Variants in CNTN5 observed in about 807,000 individuals in gnomAD.
CNTN5 encodes the protein contactin-5.
CNTN5 carries 77 observed loss-of-function variants against 129.1 expected under a neutral mutation model. The ratio of observed to expected loss-of-function variants is 0.60; its 90% confidence interval spans 0.50 to 0.72. The LOEUF (loss-of-function observed/expected upper bound fraction) is 0.72, where lower values mean the gene tolerates loss of function less well. Ranked by LOEUF, CNTN5 falls within the 30% of genes least tolerant of loss-of-function variation. The pLI, the probability that CNTN5 is intolerant of heterozygous loss-of-function variation, is 0.00. For missense variants in CNTN5, 1,478 were observed against 1,328.8 expected (o/e 1.11, Z -1.75); for synonymous variants, 509 against 465.6 (o/e 1.09, Z -1.20).
chr11:99,123,368 T>C (rs1042937356), intron 1 of CNTN5, among the ~76,000 whole-genome samples: 2 of 152,182 alleles, frequency 1.3e-5, no homozygotes, highest in African/African-American at 4.8e-5. Context: ...TCTGTTCATG[T>C]CATTTGCCCA....
At chr11:99,206,328 G>A (rs571596491) in intron 1 of CNTN5, among the ~76,000 whole-genome samples, 6 of 152,154 alleles carry the variant, frequency 3.9e-5, no homozygotes, top group African/African-American at 1.4e-4. Flanking sequence ...TAGGCTGTGA[G>A]GCAACCCCCA....
At chr11:99,612,770 C>G (rs1224330218) in intron 3 of CNTN5, among the ~76,000 whole-genome samples, 1 of 152,142 alleles carries the variant, frequency 6.6e-6, no homozygotes, top group Non-Finnish European at 1.5e-5. Flanking sequence ...CCTCTTTCAA[C>G]TATTTATTAT....
intron 9 of CNTN5, chr11:100,003,865 G>A (rs945125297): frequency 2.6e-5 from 4 of 152,026 alleles, no homozygotes; most frequent in African/African-American, 9.7e-5. Flanking sequence ...TTTATCACTT[G>A]GTGTCCTTTC....
At chr11:99,250,676 A>C (rs1351963341) in intron 1 of CNTN5, among the ~76,000 whole-genome samples, 1 of 151,926 alleles carries the variant, frequency 6.6e-6, no homozygotes, top group Non-Finnish European at 1.5e-5. Context: ...CATCTATGGA[A>C]GGCGATGTTT....
chr11:99,279,916 G>A (rs115914881), intron 1 of CNTN5, among the ~76,000 whole-genome samples: 1,850 of 151,384 alleles, frequency 0.012, 41 homozygotes, highest in African/African-American at 0.042. Context: ...AAATGTCTGC[G>A]TCATGGGGAA....
chr11:99,851,391 C>T (rs1456141653), intron 6 of CNTN5, among the ~76,000 whole-genome samples: 1 of 152,068 alleles, frequency 6.6e-6, no homozygotes, highest in East Asian at 1.9e-4. Context: ...ATTCCTGAAG[C>T]TTATGTTTGT....
chr11:99,048,443 C>A (rs973000335), intron 1 of CNTN5, among the ~76,000 whole-genome samples: 6 of 152,114 alleles, frequency 3.9e-5, no homozygotes, highest in Non-Finnish European at 7.4e-5. Flanking sequence ...CAGTATTTCT[C>A]TATTTTCAGA....
chr11:99,424,645 G>A lies in CNTN5; in HGVS notation c.-71+99161G>A, dbSNP rs532068626. On this transcript the variant is annotated intron_variant, in intron 2 of 24. Coordinates refer to ENST00000524871, the MANE Select transcript of CNTN5 (RefSeq NM_014361.4). ...GAACATGGTGGTGCCCACAAGCTTG[G>A]AGATGCCAGGAATGGCAGAGCCCCA... Among the ~76,000 whole-genome samples, 109 of 152,384 alleles carry A rather than the reference G, an allele frequency of 7.2e-4. 1 individual carries two copies. Among genetic ancestry groups the A allele is most frequent in the African/African-American group, 2.5e-3 (105 of 41,588 alleles).
At chr11:99,749,155 T>G (rs1944153006) in intron 3 of CNTN5, among the ~76,000 whole-genome samples, 1 of 152,200 alleles carries the variant, frequency 6.6e-6, no homozygotes, top group Admixed American at 6.5e-5. Flanking sequence ...TACTGATGGT[T>G]CAGTGTATAC....
At chr11:99,585,027 A>G (rs750920941) in intron 3 of CNTN5, among the ~76,000 whole-genome samples, 5 of 152,230 alleles carry the variant, frequency 3.3e-5, no homozygotes, top group Non-Finnish European at 7.3e-5. Context: ...CCATTTCCCA[A>G]TTCTTAGAGA....
chr11:99,606,872 T>G lies in CNTN5; in HGVS notation c.55+50603T>G, dbSNP rs934725727. ...AAAGGATTCCCTATTTAATAAATGG[T>G]GCTGGGAAAACTGGCTAGCCATATG... On this transcript the variant is annotated intron_variant, in intron 3 of 24. Coordinates refer to ENST00000524871, the MANE Select transcript of CNTN5 (RefSeq NM_014361.4). Among the ~76,000 whole-genome samples, 74 of 132,756 alleles carry G rather than the reference T, an allele frequency of 5.6e-4. 2 individuals carry two copies. The highest frequency in any genetic ancestry group is 1.4e-3 in the South Asian group (6 of 4,140). 87.1% of individuals were successfully genotyped at this position (132,756 alleles called of 152,430 possible). A position where few individuals can be genotyped will look rare whatever the true frequency, so the allele number is the denominator to read the frequency against.
chr11:99,136,453 C>T (rs1383688919), intron 1 of CNTN5, among the ~76,000 whole-genome samples: 2 of 152,072 alleles, frequency 1.3e-5, no homozygotes, highest in African/African-American at 2.4e-5. Context: ...GCACCAATTC[C>T]ATTAATCACT....
intron 1 of CNTN5, among the ~76,000 whole-genome samples, chr11:99,061,356 C>T (rs1864868217): frequency 6.6e-6 from 1 of 152,026 alleles, no homozygotes; most frequent in Non-Finnish European, 1.5e-5. Flanking sequence ...ACTGGGATGG[C>T]AGTATGTGGA....
At chr11:99,365,978 G>C (rs1234625654) in intron 2 of CNTN5, among the ~76,000 whole-genome samples, 1 of 152,122 alleles carries the variant, frequency 6.6e-6, no homozygotes, top group African/African-American at 2.4e-5. Context: ...CTAAGGGAAA[G>C]AGTATTACAG....
At chr11:99,652,244 C>A (rs1023762248) in intron 3 of CNTN5, among the ~76,000 whole-genome samples, 2 of 151,990 alleles carry the variant, frequency 1.3e-5, no homozygotes, top group African/African-American at 4.8e-5. Context: ...TAGAAGCTGT[C>A]CTCAGGCCTT....
At chr11:99,028,425 T>C (rs1054292926) in intron 1 of CNTN5, among the ~76,000 whole-genome samples, 3 of 152,008 alleles carry the variant, frequency 2.0e-5, no homozygotes, top group African/African-American at 7.2e-5. Flanking sequence ...TGTGCAGTCA[T>C]AGAGGTATAT....
At chr11:100,309,410 C>A in intron 21 of CNTN5, 1 of 969,668 alleles carries the variant, frequency 1.0e-6, no homozygotes. Context: ...ATAATGATTT[C>A]TATGATAAAA....
chr11:99,219,607 T>C (rs963944599), intron 1 of CNTN5, among the ~76,000 whole-genome samples: 7 of 151,560 alleles, frequency 4.6e-5, no homozygotes, highest in African/African-American at 1.7e-4. Flanking sequence ...GCCACATACA[T>C]CTTTCAGCAC....
At position 99,054,235 on chromosome 11, in the gene CNTN5, G is replaced by C. The variant is rs150643691; in HGVS notation, c.-210+32965G>C. Among the ~76,000 whole-genome samples, 325 of 151,826 alleles carry C rather than the reference G, an allele frequency of 2.1e-3. 1 individual carries two copies. Among genetic ancestry groups the C allele is most frequent in the African/African-American group, 6.6e-3 (275 of 41,440 alleles). On this transcript the variant is annotated intron_variant, in intron 1 of 24. Transcript: ENST00000524871. ...TGGCTGGCTGTTCATGACAAACCTG[G>C]TAATCTGGTGTTTCCTGAAGGGCTG...
Sources: gnomAD v4.1 joint callset for allele counts (sites outside exome capture counted in the v4.1 genomes callset) on GRCh38, gnomAD v4.1.1 for gene constraint, MANE v1.5 for transcripts, NCBI Gene and HGNC (gene_info 2026-07-23, HGNC 2026-07-21) for gene names.